Variants in LRRTM1 observed in about 807,000 individuals in gnomAD.
LRRTM1 encodes the protein leucine rich repeat transmembrane neuronal 1.
LRRTM1 carries 8 observed loss-of-function variants against 37.3 expected under a neutral mutation model. The observed-to-expected ratio is 0.21, with a 90% CI of 0.13 to 0.39. The LOEUF (loss-of-function observed/expected upper bound fraction) is 0.39. Ranked by LOEUF, LRRTM1 falls within the 10% of genes least tolerant of loss-of-function variation. LRRTM1 has a pLI of 1.00. For synonymous variants in LRRTM1, 326 were observed against 316.8 expected (o/e 1.03, Z -0.31); for missense variants, 557 against 691.0 (o/e 0.81, Z 2.17).
chr2:80,300,465 C>G (rs187362661), downstream of LRRTM1, among the ~76,000 whole-genome samples: 2 of 152,084 alleles, frequency 1.3e-5, no homozygotes, highest in Admixed American at 1.3e-4. Context: ...TACCACCAAC[C>G]CTTAGCTTAA....
chr2:80,303,947 A>C lies in LRRTM1; in HGVS notation c.-59-69T>G. ...GAGAAAAGGGCAAAAAATCAAATAAATACATAGAAATAAAGAAGGACCCCC... is the reference window on the plus strand; with the variant it reads ...GAGAAAAGGGCAAAAAATCAAATAACTACATAGAAATAAAGAAGGACCCCC... On this transcript the variant is annotated intron_variant, in intron 1 of 1. Transcript: ENST00000295057. The surrounding 1 kb of genome is among the most constrained non-coding windows in gnomAD (Gnocchi z 7.7). 1.8e-6 allele frequency: 2 copies of C among 1,128,640 alleles called. No individual in the cohort carries two copies. Among genetic ancestry groups the C allele is most frequent in the Non-Finnish European group, 2.4e-6 (2 of 834,288 alleles). 69.9% of individuals were successfully genotyped at this position (1,128,640 alleles called of 1,614,324 possible).
downstream of LRRTM1, among the ~76,000 whole-genome samples, chr2:80,300,277 TTGGGGTGTGTGTG>T (rs1464811443): frequency 1.9e-5 from 2 of 104,440 alleles, no homozygotes; most frequent in African/African-American, 7.4e-5. Context: ...AGCTGGGGTG[TTGGGGTGTGTGTG>T]TGTGTGTGTG....
At chr2:80,295,605 G>A (rs1184468883) in intron 2 of LRRTM1, among the ~76,000 whole-genome samples, 1 of 152,114 alleles carries the variant, frequency 6.6e-6, no homozygotes, top group Non-Finnish European at 1.5e-5. Context: ...GGGAAAAAAT[G>A]GTAAAATAGA....
chr2:80,299,336 C>G (rs1676037865), downstream of LRRTM1: 1 of 152,110 alleles, frequency 6.6e-6, no homozygotes, highest in African/African-American at 2.4e-5. Flanking sequence ...GTTAAAACTA[C>G]CACTTTCCCT....
At chr2:80,301,212 T>G (rs1676277163), downstream of LRRTM1, among the ~76,000 whole-genome samples, 2 of 152,220 alleles carry the variant, frequency 1.3e-5, no homozygotes, top group Non-Finnish European at 2.9e-5. Context: ...GAATGTGCTG[T>G]CACTGTTTGG....
In LRRTM1 at chr2:80,302,902, C is replaced by A; in HGVS notation, c.918G>T (p.Leu306=). ...EPRILNSWKS[L]TSITLAGNLW... The stretch of plus-strand genomic sequence containing the variant: ...GGTTCCCGGCCAGGGTGATGCTTGT[C>A]AGGGACTTCCAAGAGTTGAGGATCC... The change falls in exon 2 of 2, where the codon CTG becomes CTT. Residue 306 remains leucine, a synonymous_variant. Coordinates refer to ENST00000295057, the MANE Select transcript of LRRTM1 (RefSeq NM_178839.5). This position sits in a 1 kb window ranked among gnomAD's most constrained non-coding sequence, Gnocchi z 6.4. 1 of 1,614,118 alleles carries A rather than the reference C, an allele frequency of 6.2e-7. No individual in the cohort carries two copies. Among genetic ancestry groups the A allele is most frequent in the Non-Finnish European group, 8.5e-7 (1 of 1,180,024 alleles).
chr2:80,290,041 G>A (rs1382218189), intron 2 of LRRTM1, among the ~76,000 whole-genome samples: 1 of 152,068 alleles, frequency 6.6e-6, no homozygotes, highest in Non-Finnish European at 1.5e-5. Context: ...CTTTGCATAG[G>A]ACCTCACAGT....
At chr2:80,293,599 C>T (rs1356965341) in intron 2 of LRRTM1, among the ~76,000 whole-genome samples, 1 of 152,070 alleles carries the variant, frequency 6.6e-6, no homozygotes, top group Non-Finnish European at 1.5e-5. Context: ...GTATGCTACC[C>T]GTCTGTTTAA....
At chr2:80,292,908 T>A (rs1214229742) in intron 2 of LRRTM1, among the ~76,000 whole-genome samples, 3 of 152,178 alleles carry the variant, frequency 2.0e-5, no homozygotes, top group Non-Finnish European at 1.5e-5. Context: ...TGTTTGCTCT[T>A]TTTTTTGTAC....
chr2:80,291,526 A>C (rs1675239225), intron 2 of LRRTM1, among the ~76,000 whole-genome samples: 1 of 152,218 alleles, frequency 6.6e-6, no homozygotes, highest in South Asian at 2.1e-4. Flanking sequence ...AGCAGCATCC[A>C]ACTATGGCTG....
chr2:80,298,961 G>A (rs1676001407), downstream of LRRTM1: 1 of 152,060 alleles, frequency 6.6e-6, no homozygotes, highest in East Asian at 1.9e-4. Flanking sequence ...AAACTACTAG[G>A]GCTAAGACTG....
At position 80,302,720 on chromosome 2, in the gene LRRTM1, G is replaced by A. The variant is rs1324473925; in HGVS notation, c.1100C>T (p.Ala367Val). The A allele has an allele frequency of 4.3e-6, 7 of 1,612,902 alleles. No homozygotes were observed. In the East Asian group the frequency reaches 1.3e-4, roughly 31 times the overall value. Residue 367 changes from alanine to valine, a missense_variant, in exon 2 of 2, where the codon GCC (alanine) becomes GTC (valine). This residue lies in a region of LRRTM1 where 89 missense variants were observed against 80.7 expected (regional missense o/e 1.10). Coordinates refer to ENST00000295057, the MANE Select transcript of LRRTM1 (RefSeq NM_178839.5). This position sits in a 1 kb window ranked among gnomAD's most constrained non-coding sequence, Gnocchi z 6.4. ...GAGCAGGTGGCCGCTGGTGGGCTCG[G>A]CCCCATCCTCGCACAGGTGGAAGGC... Reference protein sequence around the residue: ...VYAFHLCEDGAEPTSGHLLSA... With the variant: ...VYAFHLCEDGVEPTSGHLLSA...
At position 80,302,050 on chromosome 2, in the gene LRRTM1, T is replaced by A. The variant is rs1335726312; in HGVS notation, c.*201A>T. ...CTGTCCTGAAGGTTGTGGGGTGGGG[T>A]TTTTTGTTGTGTTTTAATTCGCTTT... On this transcript the variant is annotated 3_prime_UTR_variant, in exon 2 of 2. Transcript: ENST00000295057. The surrounding 1 kb of genome is among the most constrained non-coding windows in gnomAD (Gnocchi z 6.4). 1.6e-6 allele frequency: 1 copy of A among 640,140 alleles called. No individual in the cohort carries two copies. The highest frequency in any genetic ancestry group is 3.3e-5 in the Admixed American group (1 of 30,096). 39.7% of individuals were successfully genotyped at this position (640,140 alleles called of 1,614,324 possible).
In LRRTM1 at chr2:80,303,172, G is replaced by C. The variant is rs1407216473; in HGVS notation, c.648C>G (p.Leu216=). 3.1e-6 allele frequency: 5 copies of C among 1,613,998 alleles called. No homozygotes were observed. The highest frequency in any genetic ancestry group is 1.3e-5 in the African/African-American group (1 of 74,922). Residue 216 remains leucine (L), a synonymous_variant, in exon 2 of 2, where the codon CTC becomes CTG. Coordinates refer to ENST00000295057, the MANE Select transcript of LRRTM1 (RefSeq NM_178839.5). The surrounding 1 kb of genome is among the most constrained non-coding windows in gnomAD (Gnocchi z 7.7). ...TCACCTTGACCAAGTCGTTGTGCTC[G>C]AGGTGCAGCTCGGTGAGCTTAAACA... ...AGLFKLTELH[L]EHNDLVKVNF... is the part of the protein sequence containing the mutation.
rs1249201220 is a variant in LRRTM1, at chr2:80,303,911, C to A, written c.-59-33G>T. 1.7e-5 allele frequency: 24 copies of A among 1,383,784 alleles called. No homozygotes were observed. The highest frequency in any genetic ancestry group is 2.8e-5 in the Admixed American group (1 of 35,548). 85.7% of individuals were successfully genotyped at this position (1,383,784 alleles called of 1,614,324 possible). ...ATATTTTATTCCGAGGGAGGGGAAG[C>A]GGGGGAGGGGGAGAAAAGGGCAAAA... On this transcript the variant is annotated intron_variant, in intron 1 of 1. Transcript: ENST00000295057. The surrounding 1 kb of genome is among the most constrained non-coding windows in gnomAD (Gnocchi z 7.7).
In LRRTM1 at chr2:80,291,033, C is replaced by G. The variant is rs569643003; in HGVS notation, c.*307-1838G>C. On this transcript the variant is annotated intron_variant and NMD_transcript_variant, in intron 2 of 2. Coordinates refer to the LRRTM1 transcript ENST00000417012. Reference sequence around the variant, plus strand: ...CTGTCCAAAGCTGGGACAGAGCATGCTTTAATCATTCTGTGAGTGAATCCC... The same window carrying G: ...CTGTCCAAAGCTGGGACAGAGCATGGTTTAATCATTCTGTGAGTGAATCCC... 6.6e-5 allele frequency among the ~76,000 whole-genome samples: 10 copies of G among 152,290 alleles called. No homozygotes were observed. In the East Asian group the frequency reaches 1.9e-3, roughly 29 times the overall value.
intron 2 of LRRTM1, among the ~76,000 whole-genome samples, chr2:80,290,324 C>T (rs182882306): frequency 3.2e-3 from 491 of 152,178 alleles, no homozygotes; most frequent in Non-Finnish European, 5.2e-3. Context: ...TCACATGAAC[C>T]TGTCCAAATA....
chr2:80,303,851 T>A lies in LRRTM1; in HGVS notation c.-32A>T, dbSNP rs1481294140. On this transcript the variant is annotated 5_prime_UTR_variant, in exon 2 of 2. Coordinates refer to ENST00000295057, the MANE Select transcript of LRRTM1 (RefSeq NM_178839.5). The surrounding 1 kb of genome is among the most constrained non-coding windows in gnomAD (Gnocchi z 7.7). ...GAATCTTTCCAGAGAGACTGGAGAA[T>A]GTCCATTGGAAGCGCTCGGTCAGAA... 6.7e-6 allele frequency: 10 copies of A among 1,486,360 alleles called. No homozygotes were observed. The highest frequency in any genetic ancestry group is 9.0e-6 in the Non-Finnish European group (10 of 1,117,294). 92.1% of individuals were successfully genotyped at this position (1,486,360 alleles called of 1,614,324 possible). A position where few individuals can be genotyped will look rare whatever the true frequency, so the allele number is the denominator to read the frequency against.
At chr2:80,288,724 G>A (rs2149173625) in exon 3 of LRRTM1, 1 of 152,426 alleles carries the variant, frequency 6.6e-6, no homozygotes, top group Middle Eastern at 3.4e-3. Context: ...CCAGCTTGGA[G>A]CTCGATTTTT....
Sources: gnomAD v4.1 joint callset for allele counts (sites outside exome capture counted in the v4.1 genomes callset) on GRCh38, gnomAD v4.1.1 for gene constraint, gnomAD v4.1.1 regional missense constraint, Gnocchi (gnomAD v3.1) non-coding constraint, MANE v1.5 for transcripts, NCBI Gene and HGNC (gene_info 2026-07-23, HGNC 2026-07-21) for gene names.